The following CNTNAP2 variants were observed in gnomAD, a reference collection of about 807,000 sequenced individuals.
The protein encoded by CNTNAP2 is contactin associated protein 2.
CNTNAP2 carries 98 observed loss-of-function variants against 155.2 expected under a neutral mutation model. That is an observed-to-expected ratio of 0.63 (90% CI 0.54 to 0.75). The LOEUF (loss-of-function observed/expected upper bound fraction) is 0.75, where lower values mean the gene tolerates loss of function less well. Ranked by LOEUF, CNTNAP2 falls within the 30% of genes least tolerant of loss-of-function variation. CNTNAP2 has a pLI of 0.00. For synonymous variants in CNTNAP2, 651 were observed against 631.2 expected (o/e 1.03, Z -0.47); for missense variants, 1,727 against 1,688.1 (o/e 1.02, Z -0.40).
chr7:146,667,783 C>T (rs767782781), intron 1 of CNTNAP2, among the ~76,000 whole-genome samples: 1 of 150,618 alleles, frequency 6.6e-6, no homozygotes, highest in Non-Finnish European at 1.5e-5. Flanking sequence ...TAGTTTGTTG[C>T]TTGTGTATAG....
intron 16 of CNTNAP2, among the ~76,000 whole-genome samples, chr7:148,121,313 G>T (rs565832534): frequency 6.6e-6 from 1 of 152,276 alleles, no homozygotes; most frequent in South Asian, 2.1e-4. Context: ...GATTACAGGC[G>T]TGAGCCACCA....
At chr7:146,899,943 T>C (rs572053482) in intron 3 of CNTNAP2, among the ~76,000 whole-genome samples, 2 of 152,310 alleles carry the variant, frequency 1.3e-5, no homozygotes, top group Non-Finnish European at 2.9e-5. Context: ...TCCCTATAAG[T>C]GATTGTTGAA....
chr7:148,207,774 T>C (rs996264099), intron 18 of CNTNAP2, among the ~76,000 whole-genome samples: 1 of 152,074 alleles, frequency 6.6e-6, no homozygotes, highest in African/African-American at 2.4e-5. Context: ...GGACAGATTA[T>C]AGGAGGTAAG....
At chr7:146,749,183 A>G (rs564508942) in intron 1 of CNTNAP2, among the ~76,000 whole-genome samples, 1 of 152,286 alleles carries the variant, frequency 6.6e-6, no homozygotes, top group South Asian at 2.1e-4. Flanking sequence ...TATCTTTACT[A>G]AATATGTATC....
chr7:146,918,393 T>C (rs1046196704), intron 3 of CNTNAP2, among the ~76,000 whole-genome samples: 1 of 152,190 alleles, frequency 6.6e-6, no homozygotes, highest in African/African-American at 2.4e-5. Flanking sequence ...GTGAATTCTT[T>C]CAAAATTTGT....
At chr7:146,869,736 A>G (rs555366231) in intron 3 of CNTNAP2, among the ~76,000 whole-genome samples, 2 of 152,260 alleles carry the variant, frequency 1.3e-5, no homozygotes, top group East Asian at 1.9e-4. Context: ...AGCATCCGTC[A>G]TGGGAGAAAG....
At chr7:147,051,581 T>C (rs1799474347) in intron 4 of CNTNAP2, among the ~76,000 whole-genome samples, 2 of 152,082 alleles carry the variant, frequency 1.3e-5, no homozygotes, top group East Asian at 1.9e-4. Context: ...AAAGGAGCAT[T>C]CAAGACAAGA....
At chr7:148,125,582 C>T (rs1216936912) in intron 16 of CNTNAP2, among the ~76,000 whole-genome samples, 2 of 151,118 alleles carry the variant, frequency 1.3e-5, no homozygotes, top group Non-Finnish European at 2.9e-5. Context: ...TTATTTATGG[C>T]TGTGTAGTAT....
At chr7:147,055,918 G>A (rs1799553521) in intron 4 of CNTNAP2, among the ~76,000 whole-genome samples, 1 of 152,138 alleles carries the variant, frequency 6.6e-6, no homozygotes, top group Non-Finnish European at 1.5e-5. Context: ...GACCCTCCAG[G>A]CTTTTCCCAG....
intron 10 of CNTNAP2, among the ~76,000 whole-genome samples, chr7:147,482,467 C>T (rs1328755537): frequency 1.3e-5 from 2 of 151,984 alleles, no homozygotes; most frequent in African/African-American, 2.4e-5. Flanking sequence ...GCCTGTAATC[C>T]CAGCACTTTG....
At chr7:147,880,784 A>G (rs1027581075) in intron 13 of CNTNAP2, among the ~76,000 whole-genome samples, 6 of 151,790 alleles carry the variant, frequency 4.0e-5, no homozygotes, top group African/African-American at 9.7e-5. Flanking sequence ...GCAAAGATCT[A>G]TTGGATATAA....
chr7:147,043,610 A>T (rs929076491), intron 3 of CNTNAP2, among the ~76,000 whole-genome samples: 14 of 152,230 alleles, frequency 9.2e-5, no homozygotes, highest in Non-Finnish European at 2.1e-4. Flanking sequence ...AATGCAAAAT[A>T]TTAGAACTCA....
At chr7:146,483,282 A>AATATATATAT (rs200796835) in intron 1 of CNTNAP2, among the ~76,000 whole-genome samples, 18 of 39,858 alleles carry the variant, frequency 4.5e-4, no homozygotes, top group East Asian at 1.1e-3. Context: ...TCTAAAAAAA[A>AATATATATAT]ATATATATAT....
At chr7:147,701,702 C>T (rs745687664) in intron 13 of CNTNAP2, among the ~76,000 whole-genome samples, 1 of 152,020 alleles carries the variant, frequency 6.6e-6, no homozygotes, top group Non-Finnish European at 1.5e-5. Flanking sequence ...TTAGAATATT[C>T]GTTAACAGGA....
intron 1 of CNTNAP2, among the ~76,000 whole-genome samples, chr7:146,687,437 C>T (rs563476631): frequency 4.6e-5 from 7 of 152,074 alleles, no homozygotes; most frequent in Non-Finnish European, 7.3e-5. Context: ...AAGCACGTAA[C>T]GGATATTAGC....
intron 10 of CNTNAP2, among the ~76,000 whole-genome samples, chr7:147,401,979 T>C (rs908628373): frequency 1.3e-5 from 2 of 152,218 alleles, no homozygotes; most frequent in African/African-American, 4.8e-5. Flanking sequence ...AAAAGCAGGC[T>C]TAAATTTTGC....
chr7:146,321,116 AT>A (rs1800992961), intron 1 of CNTNAP2, among the ~76,000 whole-genome samples: 1 of 152,142 alleles, frequency 6.6e-6, no homozygotes, highest in Non-Finnish European at 1.5e-5. Context: ...GGTCAATAAT[AT>A]TTTTACCTTA....
intron 1 of CNTNAP2, among the ~76,000 whole-genome samples, chr7:146,640,510 T>C (rs1426321303): frequency 6.6e-6 from 1 of 152,222 alleles, no homozygotes; most frequent in Non-Finnish European, 1.5e-5. Context: ...TAGAGTATGC[T>C]CTCTAAGTGG....
At chr7:147,196,903 C>T (rs1802812991) in intron 8 of CNTNAP2, among the ~76,000 whole-genome samples, 1 of 152,136 alleles carries the variant, frequency 6.6e-6, no homozygotes, top group African/African-American at 2.4e-5. Flanking sequence ...AGCTGACTTC[C>T]TAATTACTAC....
Sources: allele counts gnomAD v4.1 joint callset (sites outside exome capture counted in the v4.1 genomes callset), GRCh38; gene constraint gnomAD v4.1.1; transcripts MANE v1.5; gene names NCBI Gene and HGNC (gene_info 2026-07-23, HGNC 2026-07-21).